Variants in PRMT8 observed in about 807,000 individuals in gnomAD.
PRMT8 encodes protein arginine N-methyltransferase 8.
A neutral mutation model predicts 47.1 loss-of-function variants in PRMT8; 7 were observed. That is an observed-to-expected ratio of 0.15 (90% CI 0.08 to 0.28). PRMT8 has a LOEUF of 0.28. Among genes scored for constraint, PRMT8 ranks in the 10% least tolerant of loss-of-function variants. The pLI, the probability that PRMT8 is intolerant of heterozygous loss-of-function variation, is 1.00. For synonymous variants in PRMT8, 188 were observed against 186.5 expected (o/e 1.01, Z -0.07); for missense variants, 237 against 505.4 (o/e 0.47, Z 5.09).
At position 3,576,087 on chromosome 12, in the gene PRMT8, C is replaced by T. The variant is rs1866938036; in HGVS notation, c.713-784C>T. Among the ~76,000 whole-genome samples, 1 of 152,158 alleles carries T rather than the reference C, an allele frequency of 6.6e-6. No homozygotes were observed. The highest frequency in any genetic ancestry group is 1.5e-5 in the Non-Finnish European group (1 of 68,028). ...AGACTTGAATTAATTTCTCACCAAC[C>T]CCCTAGATCTTTCTCCCTCCCATAC... is the stretch of plus-strand genomic sequence containing the variant. On this transcript the variant is annotated intron_variant, in intron 6 of 9. Coordinates refer to ENST00000382622, the MANE Select transcript of PRMT8 (RefSeq NM_019854.5). This position sits in a 1 kb window ranked among gnomAD's most constrained non-coding sequence, Gnocchi z 4.0.
At chr12:3,563,028 A>C (rs1457297726) in intron 4 of PRMT8, among the ~76,000 whole-genome samples, 1 of 152,062 alleles carries the variant, frequency 6.6e-6, no homozygotes, top group Non-Finnish European at 1.5e-5. Context: ...CCCTTTGGCC[A>C]AGCCCACATG....
chr12:3,396,408 G>T (rs1305274907), intron 1 of PRMT8, among the ~76,000 whole-genome samples: 1 of 152,074 alleles, frequency 6.6e-6, no homozygotes, highest in Non-Finnish European at 1.5e-5. Flanking sequence ...GGCAGGCCTG[G>T]TGGTAACAAA....
intron 1 of PRMT8, among the ~76,000 whole-genome samples, chr12:3,465,236 A>G (rs1201173643): frequency 7.1e-6 from 1 of 140,444 alleles, no homozygotes; most frequent in Non-Finnish European, 1.5e-5. Context: ...TAAAATATAT[A>G]TATTTTTATA....
At chr12:3,571,431 C>T (rs963277184) in intron 6 of PRMT8, among the ~76,000 whole-genome samples, 3 of 152,158 alleles carry the variant, frequency 2.0e-5, no homozygotes, top group African/African-American at 7.2e-5. Flanking sequence ...AGCTCCAACC[C>T]GAGGCACACC....
chr12:3,516,339 ATTCG>A (rs905230048), intron 1 of PRMT8, among the ~76,000 whole-genome samples: 8 of 151,740 alleles, frequency 5.3e-5, no homozygotes, highest in African/African-American at 1.7e-4. Context: ...TCATTCATTC[ATTCG>A]TTTGTTCATT....
chr12:3,415,027 A>G (rs1040348584), intron 1 of PRMT8, among the ~76,000 whole-genome samples: 12 of 151,994 alleles, frequency 7.9e-5, no homozygotes, highest in Admixed American at 7.2e-4. Flanking sequence ...CCCATTTCCA[A>G]TGCCAAACCC....
chr12:3,544,716 TC>T (rs1354159795), intron 2 of PRMT8, among the ~76,000 whole-genome samples: 1 of 152,208 alleles, frequency 6.6e-6, no homozygotes, highest in African/African-American at 2.4e-5. Flanking sequence ...GTCATGGTGT[TC>T]CTTGGACTTT....
chr12:3,541,141 G>A (rs1041994253), intron 2 of PRMT8, among the ~76,000 whole-genome samples: 4 of 152,218 alleles, frequency 2.6e-5, no homozygotes, highest in Non-Finnish European at 5.9e-5. Flanking sequence ...TGGACCAGGA[G>A]CTCAAATGCT....
chr12:3,473,501 G>T (rs540078049), intron 1 of PRMT8, among the ~76,000 whole-genome samples: 3 of 152,214 alleles, frequency 2.0e-5, no homozygotes, highest in Admixed American at 2.0e-4. Flanking sequence ...CCAGAGTCCT[G>T]TGCTCTCTGC....
At position 3,491,613 on chromosome 12, in the gene PRMT8, C is replaced by G; in HGVS notation, c.-13C>G. 6.2e-7 allele frequency: 1 copy of G among 1,612,272 alleles called. No individual in the cohort carries two copies. The highest frequency in any genetic ancestry group is 8.5e-7 in the Non-Finnish European group (1 of 1,179,628). On this transcript the variant is annotated 5_prime_UTR_variant, in exon 1 of 10. Coordinates refer to ENST00000382622, the MANE Select transcript of PRMT8 (RefSeq NM_019854.5). ...TCTACTATCTCGGTATCACCAAACCCTTGCCGGCTCTTATGGGCATGAAAC... is the reference window on the plus strand; with the variant it reads ...TCTACTATCTCGGTATCACCAAACCGTTGCCGGCTCTTATGGGCATGAAAC...
chr12:3,592,204 C>T (rs1264076324), intron 8 of PRMT8, 27 bp from the exon 9 acceptor site: 15 of 1,541,938 alleles, frequency 9.7e-6, no homozygotes, highest in African/African-American at 1.4e-5. Context: ...TCTTTCTTCC[C>T]ACCTCCCCTG....
intron 1 of PRMT8, among the ~76,000 whole-genome samples, chr12:3,496,962 T>G (rs1025816123): frequency 6.7e-6 from 1 of 150,272 alleles, no homozygotes; most frequent in Non-Finnish European, 1.5e-5. Context: ...TTCAGAGTCC[T>G]AAATTGGCTT....
intron 1 of PRMT8, among the ~76,000 whole-genome samples, chr12:3,459,610 G>T (rs1203030689): frequency 6.6e-6 from 1 of 152,184 alleles, no homozygotes; most frequent in African/African-American, 2.4e-5. Context: ...GGCAAAGAAA[G>T]GTGTTTTACA....
intron 1 of PRMT8, among the ~76,000 whole-genome samples, chr12:3,498,387 G>A (rs906723207): frequency 1.3e-5 from 2 of 152,210 alleles, no homozygotes; most frequent in Admixed American, 6.5e-5. Context: ...GCAGGAATGT[G>A]GAATGGTGAA....
At chr12:3,577,564 C>G (rs765082865) in intron 7 of PRMT8, among the ~76,000 whole-genome samples, 16 of 152,200 alleles carry the variant, frequency 1.1e-4, no homozygotes, top group Non-Finnish European at 1.9e-4. Flanking sequence ...TGTACATGCT[C>G]TAAACCAAGT....
intron 1 of PRMT8, among the ~76,000 whole-genome samples, chr12:3,444,337 G>A (rs1485289560): frequency 6.6e-6 from 1 of 152,146 alleles, no homozygotes; most frequent in African/African-American, 2.4e-5. Flanking sequence ...GTTTTGGCCT[G>A]CAGACCTCTA....
At position 3,576,832 on chromosome 12, in the gene PRMT8, G is replaced by A. The variant is rs766822432; in HGVS notation, c.713-39G>A. 1.3e-6 allele frequency: 2 copies of A among 1,551,220 alleles called. No homozygotes were observed. Among genetic ancestry groups the A allele is most frequent in the Middle Eastern group, 1.7e-4 (1 of 5,894 alleles). On this transcript the variant is annotated intron_variant, in intron 6 of 9. Coordinates refer to ENST00000382622, the MANE Select transcript of PRMT8 (RefSeq NM_019854.5). This position sits in a 1 kb window ranked among gnomAD's most constrained non-coding sequence, Gnocchi z 4.0. Reference sequence around the variant, plus strand: ...AGGAGGGTTGGGTGAGCTTCTGGGGGTCCTGCGCCTGCCTTCACGTCTTGC... The same window carrying A: ...AGGAGGGTTGGGTGAGCTTCTGGGGATCCTGCGCCTGCCTTCACGTCTTGC...
At chr12:3,419,943 T>TG (rs1477025614) in intron 1 of PRMT8, among the ~76,000 whole-genome samples, 7 of 70,812 alleles carry the variant, frequency 9.9e-5, no homozygotes, top group African/African-American at 2.8e-4. Flanking sequence ...ATCACAGGAA[T>TG]GGGGGGGTGG....
chr12:3,433,227 C>T (rs1212413221), intron 1 of PRMT8, among the ~76,000 whole-genome samples: 1 of 152,204 alleles, frequency 6.6e-6, no homozygotes, highest in Non-Finnish European at 1.5e-5. Context: ...CATTAGTTAG[C>T]CTCCTGTGAA....
Sources: allele counts gnomAD v4.1 joint callset (sites outside exome capture counted in the v4.1 genomes callset), GRCh38; gene constraint gnomAD v4.1.1; non-coding constraint Gnocchi (gnomAD v3.1); transcripts MANE v1.5; gene names NCBI Gene and HGNC (gene_info 2026-07-23, HGNC 2026-07-21).